Variants in L3MBTL4 observed in about 807,000 individuals in gnomAD.
L3MBTL4 encodes lethal(3)malignant brain tumor-like protein 4.
Under a neutral mutation model 84.5 loss-of-function variants are expected in L3MBTL4, and 70 were observed. The ratio of observed to expected loss-of-function variants is 0.83; its 90% CI spans 0.68 to 1.01. The LOEUF is 1.01. Among genes scored for constraint, L3MBTL4 ranks in the 50% least tolerant of loss-of-function variants. L3MBTL4 has a pLI of 0.00. For missense variants in L3MBTL4, 715 were observed against 754.8 expected (o/e 0.95, Z 0.62); for synonymous variants, 274 against 259.8 (o/e 1.05, Z -0.52).
intron 15 of L3MBTL4, among the ~76,000 whole-genome samples, chr18:6,087,241 C>T (rs1304237029): frequency 6.6e-6 from 1 of 152,164 alleles, no homozygotes; most frequent in Non-Finnish European, 1.5e-5. Context: ...CAGCTAACTA[C>T]ATACCAAAAC....
intron 5 of L3MBTL4, among the ~76,000 whole-genome samples, chr18:6,251,625 C>T (rs1327390325): frequency 6.6e-6 from 1 of 152,110 alleles, no homozygotes; most frequent in Non-Finnish European, 1.5e-5. Flanking sequence ...TAGAATATTA[C>T]CAAAAGTTAT....
intron 1 of L3MBTL4, among the ~76,000 whole-genome samples, chr18:6,351,865 T>G (rs1047408829): frequency 3.3e-5 from 5 of 152,182 alleles, no homozygotes; most frequent in Admixed American, 3.3e-4. Context: ...TGTTGATTTT[T>G]TTAAGAGACA....
intron 16 of L3MBTL4, among the ~76,000 whole-genome samples, chr18:6,036,598 G>A (rs1051184288): frequency 6.6e-6 from 1 of 152,030 alleles, no homozygotes; most frequent in Admixed American, 6.6e-5. Context: ...AATCTCATCA[G>A]GCTCTTTTTC....
chr18:6,198,351 A>G (rs1280125767), intron 12 of L3MBTL4, among the ~76,000 whole-genome samples: 1 of 152,218 alleles, frequency 6.6e-6, no homozygotes, highest in Admixed American at 6.5e-5. Context: ...CCAGAGAAAG[A>G]GAGAACACTA....
At chr18:6,221,298 T>C (rs2046540379) in intron 10 of L3MBTL4, among the ~76,000 whole-genome samples, 1 of 152,206 alleles carries the variant, frequency 6.6e-6, no homozygotes. Context: ...AACAAAATCA[T>C]TGCTGTATGA....
At chr18:6,372,319 C>T (rs1174506488) in intron 1 of L3MBTL4, among the ~76,000 whole-genome samples, 1 of 152,164 alleles carries the variant, frequency 6.6e-6, no homozygotes, top group Admixed American at 6.5e-5. Flanking sequence ...GGGAAACTGA[C>T]ATAAATATGC....
chr18:6,301,446 C>G (rs2050334956), intron 4 of L3MBTL4, among the ~76,000 whole-genome samples: 1 of 152,106 alleles, frequency 6.6e-6, no homozygotes, highest in African/African-American at 2.4e-5. Flanking sequence ...AGGCTATTAT[C>G]TAAAACCTAT....
chr18:5,964,704 A>G (rs1043927835), intron 17 of L3MBTL4, among the ~76,000 whole-genome samples: 3 of 152,182 alleles, frequency 2.0e-5, no homozygotes, highest in African/African-American at 7.2e-5. Context: ...AGTGGTTTTT[A>G]ATAAGAGAAA....
chr18:5,974,966 GTTTTGTT>G (rs2052833795), intron 16 of L3MBTL4, among the ~76,000 whole-genome samples: 1 of 151,332 alleles, frequency 6.6e-6, no homozygotes, highest in Non-Finnish European at 1.5e-5. Context: ...TGTCTCTATT[GTTTTGTT>G]TTTTTTTTTT....
intron 16 of L3MBTL4, among the ~76,000 whole-genome samples, chr18:6,051,454 G>T (rs563769486): frequency 2.0e-4 from 31 of 152,118 alleles, no homozygotes; most frequent in African/African-American, 7.5e-4. Flanking sequence ...CAGGAGAATC[G>T]CTTGAACTTG....
intron 16 of L3MBTL4, among the ~76,000 whole-genome samples, chr18:6,001,780 C>G (rs1350059375): frequency 6.6e-6 from 1 of 152,038 alleles, no homozygotes; most frequent in East Asian, 1.9e-4. Context: ...AGTGAAGAGT[C>G]TAAGGGATCT....
chr18:6,066,056 A>AT (rs1324488198), intron 16 of L3MBTL4, among the ~76,000 whole-genome samples: 1 of 152,050 alleles, frequency 6.6e-6, no homozygotes, highest in Non-Finnish European at 1.5e-5. Flanking sequence ...AAGTTCTGTC[A>AT]TTATTATCAT....
At chr18:6,380,764 G>A (rs996659590) in intron 1 of L3MBTL4, among the ~76,000 whole-genome samples, 1 of 152,120 alleles carries the variant, frequency 6.6e-6, no homozygotes, top group Non-Finnish European at 1.5e-5. Flanking sequence ...GAATAAGTGC[G>A]ACGAGGTGCT....
chr18:6,209,075 G>A (rs1357758334), intron 12 of L3MBTL4, among the ~76,000 whole-genome samples: 1 of 152,084 alleles, frequency 6.6e-6, no homozygotes, highest in Non-Finnish European at 1.5e-5. Flanking sequence ...ACAGCTACAG[G>A]GCAATTGCGA....
intron 12 of L3MBTL4, among the ~76,000 whole-genome samples, chr18:6,196,599 C>T (rs1361137698): frequency 6.6e-6 from 1 of 152,216 alleles, no homozygotes; most frequent in Non-Finnish European, 1.5e-5. Context: ...AACCTACTTG[C>T]TCCCATGGGG....
chr18:6,411,756 T>A (rs1020046), intron 1 of L3MBTL4, among the ~76,000 whole-genome samples: 34,561 of 151,900 alleles, frequency 0.23, 4,860 homozygotes, highest in East Asian at 0.42. Flanking sequence ...TCGCTGAGTA[T>A]TTCCTAACTG....
Position 6,414,308 on chromosome 18 carries a change from G to A in L3MBTL4, c.-91+493C>T, listed in dbSNP as rs1382617356. The A allele has an allele frequency of 6.6e-6, 1 of 152,470 alleles. No individual in the cohort carries two copies. Among genetic ancestry groups the A allele is most frequent in the African/African-American group, 2.4e-5 (1 of 41,466 alleles). The allele number at this position is 152,470 out of a possible 1,614,324, so 9.4% of individuals were successfully genotyped here. A position where few individuals can be genotyped will look rare whatever the true frequency, so the allele number is the denominator to read the frequency against. On this transcript the variant is annotated intron_variant, in intron 1 of 18. Coordinates refer to ENST00000317931, the MANE Select transcript of L3MBTL4 (RefSeq NM_001330559.2). This position sits in a 1 kb window ranked among gnomAD's most constrained non-coding sequence, Gnocchi z 5.4. Reference sequence around the variant, plus strand: ...GGGCACACGACACTTGTCGGCTGAGGGGGACACGCGGGCAGACGGGGGCGT... The same window carrying A: ...GGGCACACGACACTTGTCGGCTGAGAGGGACACGCGGGCAGACGGGGGCGT...
intron 1 of L3MBTL4, chr18:6,356,846 A>G (rs761531697): frequency 1.3e-5 from 2 of 152,186 alleles, no homozygotes; most frequent in Admixed American, 1.3e-4. Flanking sequence ...TCTTTCTTCA[A>G]TGATAAGTTG....
chr18:5,957,018 T>C lies in L3MBTL4; in HGVS notation c.1678-631A>G, dbSNP rs144466503. Among the ~76,000 whole-genome samples the C allele has an allele frequency of 3.5e-3, 528 of 152,342 alleles. 1 individual carries two copies. The highest frequency in any genetic ancestry group is 0.012 in the African/African-American group (495 of 41,582). On this transcript the variant is annotated intron_variant, in intron 18 of 18. Coordinates refer to ENST00000317931, the MANE Select transcript of L3MBTL4 (RefSeq NM_001330559.2). Reference sequence around the variant, plus strand: ...GCATGGCTGCATGTATACATATGCATATTTAAAATATTTTGAAGTCTTTAC... The same window carrying C: ...GCATGGCTGCATGTATACATATGCACATTTAAAATATTTTGAAGTCTTTAC...
Sources: gnomAD v4.1 joint callset for allele counts (sites outside exome capture counted in the v4.1 genomes callset) on GRCh38, gnomAD v4.1.1 for gene constraint, Gnocchi (gnomAD v3.1) non-coding constraint, MANE v1.5 for transcripts, NCBI Gene and HGNC (gene_info 2026-07-23, HGNC 2026-07-21) for gene names.